AFF1: variants seen among roughly 807,000 people sequenced by gnomAD.
AFF1 encodes the protein AF4/FMR2 family member 1.
In AFF1, 48 loss-of-function variants were observed where a neutral mutation model predicts 121.7. The ratio of observed to expected loss-of-function variants is 0.39; its 90% CI spans 0.31 to 0.50. The LOEUF (loss-of-function observed/expected upper bound fraction) is 0.50. Among genes scored for constraint, AFF1 ranks in the 20% least tolerant of loss-of-function variants. The probability of loss-of-function intolerance (pLI) is 0.76; values close to 1 mark genes in which losing one functional copy is unlikely to be tolerated. For synonymous variants in AFF1, 613 were observed against 563.0 expected (o/e 1.09, Z -1.26); for missense variants, 1,523 against 1,511.7 (o/e 1.01, Z -0.12).
At chr4:86,977,291 G>A (rs1217132375) in intron 2 of AFF1, among the ~76,000 whole-genome samples, 1 of 152,030 alleles carries the variant, frequency 6.6e-6, no homozygotes, top group Non-Finnish European at 1.5e-5. Flanking sequence ...ACTGGACAAA[G>A]GGATGATTCA....
At chr4:87,049,751 G>A (rs1054696099) in intron 4 of AFF1, 6 of 456,054 alleles carry the variant, frequency 1.3e-5, no homozygotes, top group Non-Finnish European at 2.2e-5. Context: ...TGGGAGCCCC[G>A]TGGCGCTGTT....
intron 4 of AFF1, among the ~76,000 whole-genome samples, chr4:87,075,524 A>G (rs1303395472): frequency 6.6e-6 from 1 of 151,996 alleles, no homozygotes; most frequent in Non-Finnish European, 1.5e-5. Flanking sequence ...TTCTATCTCA[A>G]GGAAGCGTAC....
At chr4:87,042,024 A>AT (rs1245073206) in intron 2 of AFF1, among the ~76,000 whole-genome samples, 2 of 151,886 alleles carry the variant, frequency 1.3e-5, no homozygotes. Flanking sequence ...AAAAAAAAAA[A>AT]AAAAGTTGCT....
intron 2 of AFF1, among the ~76,000 whole-genome samples, chr4:86,994,086 C>CT (rs1272307824): frequency 6.6e-6 from 1 of 152,250 alleles, no homozygotes; most frequent in Non-Finnish European, 1.5e-5. Flanking sequence ...TGCAGCCTTA[C>CT]TTTAAGTAAC....
intron 2 of AFF1, among the ~76,000 whole-genome samples, chr4:87,028,376 G>A (rs182128029): frequency 1.3e-5 from 2 of 152,026 alleles, no homozygotes; most frequent in Non-Finnish European, 2.9e-5. Flanking sequence ...TTTTGACAGT[G>A]CATGCATCTG....
intron 11 of AFF1, among the ~76,000 whole-genome samples, chr4:87,113,025 AG>A (rs1726708704): frequency 6.6e-6 from 1 of 152,232 alleles, no homozygotes; most frequent in African/African-American, 2.4e-5. Context: ...AAGATAGAGT[AG>A]TGGAACTTGG....
intron 2 of AFF1, among the ~76,000 whole-genome samples, chr4:86,993,150 A>G (rs1724859386): frequency 1.3e-5 from 2 of 152,198 alleles, no homozygotes; most frequent in African/African-American, 4.8e-5. Flanking sequence ...CAGTCCTCAG[A>G]TGGAAGGTAA....
At chr4:87,022,576 ATATATATCTATCTATATCTATCTGTGTG>A (rs1473576585) in intron 2 of AFF1, among the ~76,000 whole-genome samples, 4 of 86,084 alleles carry the variant, frequency 4.6e-5, no homozygotes, top group South Asian at 7.0e-4. Flanking sequence ...ATATATATAT[ATATATATCTATCTATATCTATCTGTGTG>A]TATATATATC....
chr4:87,128,669 A>C (rs1208171694), intron 16 of AFF1, among the ~76,000 whole-genome samples: 1 of 152,160 alleles, frequency 6.6e-6, no homozygotes, highest in Non-Finnish European at 1.5e-5. Context: ...CTTCAACCCT[A>C]ATCTGCAGAC....
chr4:87,014,235 C>T (rs1000421622), intron 2 of AFF1, among the ~76,000 whole-genome samples: 5 of 152,110 alleles, frequency 3.3e-5, no homozygotes, highest in Admixed American at 3.3e-4. Context: ...TTACTTTTTT[C>T]CATGCGTTGT....
intron 11 of AFF1, among the ~76,000 whole-genome samples, chr4:87,110,610 T>C (rs71607405): frequency 0.082 from 12,419 of 152,136 alleles, 670 homozygotes; most frequent in Non-Finnish European, 0.12. Context: ...AATTAGTGTG[T>C]ATCTTCCATT....
At chr4:87,043,829 T>C (rs535356585) in intron 2 of AFF1, among the ~76,000 whole-genome samples, 2 of 152,144 alleles carry the variant, frequency 1.3e-5, no homozygotes, top group Admixed American at 6.5e-5. Context: ...TTCTTTCTTT[T>C]TTTTTTTGAG....
intron 1 of AFF1, among the ~76,000 whole-genome samples, chr4:86,939,388 A>G (rs1299877245): frequency 6.6e-6 from 1 of 152,138 alleles, no homozygotes; most frequent in Admixed American, 6.5e-5. Flanking sequence ...GCTTGACTCT[A>G]AAATATAAAT....
At chr4:87,060,142 T>C (rs570662102) in intron 4 of AFF1, among the ~76,000 whole-genome samples, 48 of 151,168 alleles carry the variant, frequency 3.2e-4, no homozygotes, top group African/African-American at 1.1e-3. Flanking sequence ...TATTAAGTAA[T>C]TTTTGGCATT....
chr4:86,991,801 A>G (rs1724745985), intron 2 of AFF1, among the ~76,000 whole-genome samples: 1 of 150,324 alleles, frequency 6.7e-6, no homozygotes, highest in Non-Finnish European at 1.5e-5. Flanking sequence ...AATTAATCCA[A>G]CAGGACTGGG....
At chr4:87,002,572 C>T (rs1725812928) in intron 2 of AFF1, among the ~76,000 whole-genome samples, 1 of 151,582 alleles carries the variant, frequency 6.6e-6, no homozygotes, top group African/African-American at 2.4e-5. Context: ...GCTGGGACTA[C>T]AGGCACATGC....
intron 7 of AFF1, among the ~76,000 whole-genome samples, 188 bp downstream of exon 7, chr4:87,092,017 C>T (rs1391130190): frequency 6.6e-6 from 1 of 152,242 alleles, no homozygotes; most frequent in African/African-American, 2.4e-5. Flanking sequence ...GGCGCAGTGG[C>T]TCATGCCTGT....
chr4:87,108,291 G>A lies in AFF1; in HGVS notation c.1509G>A (p.Glu503=), dbSNP rs1175111127. The stretch of plus-strand genomic sequence containing the variant: ...GTTCAAGTGACAGCGAAGAAAATGA[G>A]CCCCTAGAAACCCCAGCTCCGGAGG... ...ESSSSDSEEN[E]PLETPAPEPE... is the part of the protein sequence containing the mutation. Residue 503 remains glutamate (E), a synonymous_variant, in exon 11 of 21, where the codon GAG becomes GAA. Transcript: ENST00000395146. 1 of 1,613,732 alleles carries A rather than the reference G, an allele frequency of 6.2e-7. No individual in the cohort carries two copies. The highest frequency in any genetic ancestry group is 8.5e-7 in the Non-Finnish European group (1 of 1,179,958).
chr4:87,049,034 T>C lies in AFF1; in HGVS notation c.1059+1440T>C, dbSNP rs548805594. Among the ~76,000 whole-genome samples, 7 of 146,484 alleles carry C rather than the reference T, an allele frequency of 4.8e-5. No homozygotes were observed. In the South Asian group the frequency reaches 1.6e-3, roughly 33 times the overall value. ...AGGCAATAAAGAACTCAATGAGAGTTTCTTTCTTTCTTTATCAAATAGGGT... is the reference window on the plus strand; with the variant it reads ...AGGCAATAAAGAACTCAATGAGAGTCTCTTTCTTTCTTTATCAAATAGGGT... On this transcript the variant is annotated intron_variant, in intron 4 of 20. Transcript: ENST00000395146.
Sources: allele counts gnomAD v4.1 joint callset (sites outside exome capture counted in the v4.1 genomes callset), GRCh38; gene constraint gnomAD v4.1.1; transcripts MANE v1.5; gene names NCBI Gene and HGNC (gene_info 2026-07-23, HGNC 2026-07-21).